ZEB2: variants seen among roughly 807,000 people sequenced by gnomAD.
The protein encoded by ZEB2 is zinc finger E-box-binding homeobox 2.
A neutral mutation model predicts 99.9 loss-of-function variants in ZEB2; 6 were observed. The observed-to-expected ratio is 0.06, with a 90% CI of 0.03 to 0.12. The LOEUF is 0.12. Among genes scored for constraint, ZEB2 ranks in the 10% least tolerant of loss-of-function variants. ZEB2 has a pLI of 1.00. For synonymous variants in ZEB2, 517 were observed against 542.5 expected (o/e 0.95, Z 0.65); for missense variants, 969 against 1,502.8 (o/e 0.64, Z 5.87).
chr2:144,399,586 T>C lies in ZEB2; in HGVS notation c.1601A>G (p.Asn534Ser), dbSNP rs767181131. The C allele has an allele frequency of 4.3e-6, 7 of 1,614,220 alleles. No homozygotes were observed. Among genetic ancestry groups the C allele is most frequent in the East Asian group, 2.2e-5 (1 of 44,886 alleles). ...GCTCTGGAGGCAAGCTTTGGCTTCA[T>C]TGACTTTTTCCAACGTATAGTCAAT... is the stretch of plus-strand genomic sequence containing the variant. ...SIIDYTLEKV[N>S]EAKACLQSLT... is the part of the protein sequence containing the mutation. The change falls in exon 8 of 10, where the codon AAT (asparagine) becomes AGT (serine). Residue 534 changes from asparagine (N) to serine (S), a missense_variant. Asn to Ser is a conservative substitution (Grantham distance 46). Coordinates refer to ENST00000627532, the MANE Select transcript of ZEB2 (RefSeq NM_014795.4). This position sits in a 1 kb window ranked among gnomAD's most constrained non-coding sequence, Gnocchi z 5.6.
intron 1 of ZEB2, chr2:144,518,333 T>G (rs1397468439): frequency 2.0e-5 from 3 of 152,190 alleles, no homozygotes; most frequent in African/African-American, 4.8e-5. Context: ...CAGTTGAAAC[T>G]GTCAAAACTT....
intron 2 of ZEB2, among the ~76,000 whole-genome samples, chr2:144,460,205 T>C (rs574166181): frequency 6.6e-6 from 1 of 152,244 alleles, no homozygotes; most frequent in East Asian, 1.9e-4. Context: ...GGAAGAGTGA[T>C]TAAACCATGG....
intron 4 of ZEB2, among the ~76,000 whole-genome samples, chr2:144,412,224 G>A (rs1030576534): frequency 7.2e-5 from 11 of 152,186 alleles, no homozygotes; most frequent in African/African-American, 2.4e-4. Context: ...AGCCGAGATC[G>A]TGCCACTGCA....
At chr2:144,418,697 A>AT (rs1285499317) in intron 4 of ZEB2, among the ~76,000 whole-genome samples, 1 of 147,970 alleles carries the variant, frequency 6.8e-6, no homozygotes, top group Non-Finnish European at 1.5e-5. Context: ...TCAAAAAAAA[A>AT]CAAACAAACA....
At chr2:144,519,339 C>T (rs1705228041) in intron 1 of ZEB2, 1 of 152,176 alleles carries the variant, frequency 6.6e-6, no homozygotes, top group Middle Eastern at 3.4e-3. Flanking sequence ...CACACATACA[C>T]ACACAAAGAA....
At chr2:144,516,970 A>AGGCGGAGGGAG (rs1178063077) in intron 2 of ZEB2, among the ~76,000 whole-genome samples, 8 of 150,100 alleles carry the variant, frequency 5.3e-5, no homozygotes, top group South Asian at 2.1e-4. Context: ...CGGGAGGCGG[A>AGGCGGAGGGAG]GGCGGAGGGA....
chr2:144,480,236 A>G (rs1704491462), intron 2 of ZEB2, among the ~76,000 whole-genome samples: 1 of 152,072 alleles, frequency 6.6e-6, no homozygotes. Flanking sequence ...TTTAAATTCC[A>G]TGGTTCCATA....
intron 2 of ZEB2, among the ~76,000 whole-genome samples, chr2:144,478,667 T>G (rs937244130): frequency 1.2e-4 from 19 of 152,242 alleles, no homozygotes; most frequent in Admixed American, 6.5e-4. Flanking sequence ...TCAACGCCAA[T>G]GCAATGAAAC....
At chr2:144,514,524 G>C (rs1213773476) in intron 2 of ZEB2, 2 of 152,106 alleles carry the variant, frequency 1.3e-5, no homozygotes, top group African/African-American at 4.8e-5. Flanking sequence ...ATGAATCCAG[G>C]AAAGAAGAAA....
At chr2:144,507,250 A>C (rs985006701) in intron 2 of ZEB2, 6 of 152,222 alleles carry the variant, frequency 3.9e-5, no homozygotes, top group Non-Finnish European at 8.8e-5. Flanking sequence ...GCAAACAAGA[A>C]AAATTTACAA....
intron 2 of ZEB2, among the ~76,000 whole-genome samples, chr2:144,514,718 C>A (rs1301546178): frequency 6.6e-6 from 1 of 152,194 alleles, no homozygotes; most frequent in Non-Finnish European, 1.5e-5. Flanking sequence ...CAGTATACAG[C>A]ATGTTTTCCC....
At chr2:144,416,129 C>A (rs1184966497) in intron 4 of ZEB2, among the ~76,000 whole-genome samples, 1 of 152,204 alleles carries the variant, frequency 6.6e-6, no homozygotes, top group Non-Finnish European at 1.5e-5. Context: ...TCTCCCCTTG[C>A]CTATCATCCA....
intron 2 of ZEB2, among the ~76,000 whole-genome samples, chr2:144,443,899 C>T (rs1005337344): frequency 1.3e-5 from 2 of 151,858 alleles, no homozygotes; most frequent in African/African-American, 4.8e-5. Context: ...CAGGACTCAT[C>T]ATTTGAGGTC....
At chr2:144,413,016 T>G (rs970567406) in intron 4 of ZEB2, among the ~76,000 whole-genome samples, 9 of 152,360 alleles carry the variant, frequency 5.9e-5, no homozygotes, top group South Asian at 2.1e-4. Flanking sequence ...TGTTTTTGAA[T>G]TTCAATTTCC....
chr2:144,389,622 C>T lies in ZEB2; in HGVS notation c.3474G>A (p.Glu1158=), dbSNP rs1443130378. The part of the protein sequence containing the change: ...YGKLGRQDGD[E]EFEEEEEESE... Reference sequence around the variant, plus strand: ...TTTCTTCCTCTTCCTCCTCGAACTCCTCGTCGCCATCCTGTCTGCCCAGCT... The same window carrying T: ...TTTCTTCCTCTTCCTCCTCGAACTCTTCGTCGCCATCCTGTCTGCCCAGCT... Residue 1158 remains glutamate (E), a synonymous_variant, in exon 10 of 10, where the codon GAG becomes GAA. Coordinates refer to ENST00000627532, the MANE Select transcript of ZEB2 (RefSeq NM_014795.4). The surrounding 1 kb of genome is among the most constrained non-coding windows in gnomAD (Gnocchi z 6.8). 1 of 1,614,090 alleles carries T rather than the reference C, an allele frequency of 6.2e-7. No homozygotes were observed. Among genetic ancestry groups the T allele is most frequent in the Non-Finnish European group, 8.5e-7 (1 of 1,180,024 alleles).
chr2:144,510,718 T>C (rs13031479), intron 2 of ZEB2, among the ~76,000 whole-genome samples: 59 of 113,976 alleles, frequency 5.2e-4, no homozygotes, highest in African/African-American at 1.6e-3. Flanking sequence ...CTCTCTCTCT[T>C]TCTCTCTCTC....
At chr2:144,454,502 C>T (rs1704095334) in intron 2 of ZEB2, among the ~76,000 whole-genome samples, 1 of 152,176 alleles carries the variant, frequency 6.6e-6, no homozygotes, top group African/African-American at 2.4e-5. Flanking sequence ...TAGAACCCCT[C>T]CCTATTCAAA....
intron 2 of ZEB2, among the ~76,000 whole-genome samples, chr2:144,467,416 T>C (rs1254911847): frequency 6.6e-6 from 1 of 152,150 alleles, no homozygotes; most frequent in East Asian, 1.9e-4. Context: ...TCTTCACCTT[T>C]TTGGAGGCGG....
intron 2 of ZEB2, chr2:144,512,049 T>C (rs1340891992): frequency 2.3e-6 from 3 of 1,287,204 alleles, no homozygotes; most frequent in Non-Finnish European, 3.0e-6. Context: ...GACTTGGCCA[T>C]TCAGACAATT....
Sources: gnomAD v4.1 joint callset for allele counts (sites outside exome capture counted in the v4.1 genomes callset) on GRCh38, gnomAD v4.1.1 for gene constraint, Gnocchi (gnomAD v3.1) non-coding constraint, MANE v1.5 for transcripts, NCBI Gene and HGNC (gene_info 2026-07-23, HGNC 2026-07-21) for gene names.